Variants in SNX24 observed in about 807,000 individuals in gnomAD.
SNX24 encodes the protein sorting nexin-24.
In SNX24, 22 loss-of-function variants were observed where a neutral mutation model predicts 28.7. The ratio of observed to expected loss-of-function variants is 0.77; its 90% CI spans 0.55 to 1.10. The LOEUF (loss-of-function observed/expected upper bound fraction) is 1.10. Among genes scored for constraint, SNX24 ranks in the 50% least tolerant of loss-of-function variants. The probability of loss-of-function intolerance (pLI) is 0.00; values close to 1 mark genes in which losing one functional copy is unlikely to be tolerated. For missense variants in SNX24, 221 were observed against 201.1 expected (o/e 1.10, Z -0.60); for synonymous variants, 69 against 71.5 (o/e 0.96, Z 0.18).
chr5:122,972,793 A>G (rs985567530), intron 3 of SNX24, among the ~76,000 whole-genome samples: 4 of 152,200 alleles, frequency 2.6e-5, no homozygotes, highest in Non-Finnish European at 5.9e-5. Context: ...GAGGTCCAGT[A>G]TAATCAACCT....
At chr5:122,890,085 T>A (rs1376827611) in intron 1 of SNX24, among the ~76,000 whole-genome samples, 1 of 152,130 alleles carries the variant, frequency 6.6e-6, no homozygotes, top group East Asian at 1.9e-4. Flanking sequence ...AGACTGTCCT[T>A]CAATTTGGCT....
At chr5:122,997,380 T>G (rs993172227) in intron 3 of SNX24, among the ~76,000 whole-genome samples, 2 of 152,308 alleles carry the variant, frequency 1.3e-5, no homozygotes, top group Middle Eastern at 3.4e-3. Context: ...TTTCTGGAGT[T>G]TTCTGTAGTG....
At chr5:122,870,714 A>G (rs1755932373) in intron 1 of SNX24, among the ~76,000 whole-genome samples, 2 of 152,216 alleles carry the variant, frequency 1.3e-5, no homozygotes, top group African/African-American at 4.8e-5. Flanking sequence ...GTAAGCGGGC[A>G]TGCACGTGTG....
At chr5:122,969,262 G>GTTA (rs1221168009) in intron 3 of SNX24, among the ~76,000 whole-genome samples, 21 of 152,230 alleles carry the variant, frequency 1.4e-4, no homozygotes, top group African/African-American at 5.1e-4. Flanking sequence ...TGGGGTGTAA[G>GTTA]TGGTGGGTTA....
chr5:122,884,447 A>G (rs1172901943), intron 1 of SNX24, among the ~76,000 whole-genome samples: 3 of 151,652 alleles, frequency 2.0e-5, no homozygotes, highest in Admixed American at 1.3e-4. Context: ...GGGTTTCACC[A>G]TGCTGGCCAG....
intron 1 of SNX24, among the ~76,000 whole-genome samples, chr5:122,902,578 G>A (rs925645113): frequency 2.6e-5 from 4 of 152,052 alleles, no homozygotes; most frequent in African/African-American, 9.7e-5. Context: ...TCGATTCTCT[G>A]TACACTTATG....
chr5:122,853,564 A>C (rs1755036971), intron 1 of SNX24: 1 of 260,808 alleles, frequency 3.8e-6, no homozygotes, highest in African/African-American at 2.2e-5. Context: ...TGTTGCTTAG[A>C]AATTTGGGGG....
chr5:122,925,501 T>C (rs540830372), intron 1 of SNX24, among the ~76,000 whole-genome samples: 9 of 152,068 alleles, frequency 5.9e-5, no homozygotes, highest in African/African-American at 2.2e-4. Flanking sequence ...TGGGCTCAAG[T>C]GATCCTCCTG....
Position 123,014,699 on chromosome 5 carries a change from T to G in SNX24, n.383+12695T>G, listed in dbSNP as rs1762651695. Among the ~76,000 whole-genome samples the G allele has an allele frequency of 3.3e-5, 5 of 152,258 alleles. No individual in the cohort carries two copies. In the South Asian group the frequency reaches 6.2e-4, roughly 19 times the overall value. ...TCTTTTTAAAATGTTGATCAGATCA[T>G]ATCACTCTCTTGCTCAAAGTTTTCC... On this transcript the variant is annotated intron_variant and non_coding_transcript_variant, in intron 5 of 5. Coordinates refer to the SNX24 transcript ENST00000502387.
intron 3 of SNX24, among the ~76,000 whole-genome samples, chr5:122,987,619 G>T (rs1761659413): frequency 6.6e-6 from 1 of 152,166 alleles, no homozygotes; most frequent in Non-Finnish European, 1.5e-5. Context: ...GAGGCTGATG[G>T]GTTTGGAGGT....
chr5:122,860,180 G>A (rs1398932573), intron 1 of SNX24, among the ~76,000 whole-genome samples: 1 of 152,184 alleles, frequency 6.6e-6, no homozygotes, highest in Non-Finnish European at 1.5e-5. Context: ...ACGTGTTTCA[G>A]GGTAAAATAT....
chr5:122,873,680 T>C (rs1481517823), intron 1 of SNX24, among the ~76,000 whole-genome samples: 4 of 152,108 alleles, frequency 2.6e-5, no homozygotes, highest in Non-Finnish European at 5.9e-5. Flanking sequence ...GGCACTGTAC[T>C]GAGCCCTGGA....
intron 1 of SNX24, among the ~76,000 whole-genome samples, chr5:122,877,144 A>G (rs541094663): frequency 2.0e-4 from 31 of 152,174 alleles, no homozygotes; most frequent in African/African-American, 6.0e-4. Context: ...GGTAGGGAGA[A>G]TGTATGAGTT....
intron 3 of SNX24, 127 bp from the exon 4 acceptor site, chr5:122,999,785 T>C: frequency 1.4e-6 from 1 of 707,266 alleles, no homozygotes; most frequent in Non-Finnish European, 2.6e-6. Context: ...CCACTCCTCA[T>C]CTTGACTGTG....
chr5:122,882,845 A>G (rs913285737), intron 1 of SNX24, among the ~76,000 whole-genome samples: 7 of 152,304 alleles, frequency 4.6e-5, no homozygotes, highest in African/African-American at 1.7e-4. Context: ...TTAGTTAATT[A>G]GGTCACCCAA....
downstream of SNX24, among the ~76,000 whole-genome samples, chr5:123,012,102 A>T (rs2150184566): frequency 6.6e-6 from 1 of 152,186 alleles, no homozygotes; most frequent in Non-Finnish European, 1.5e-5. Flanking sequence ...CCATCATGTG[A>T]AGAAGGATGT....
In SNX24 at chr5:123,008,281, T is replaced by G; in HGVS notation, c.*532T>G. On this transcript the variant is annotated 3_prime_UTR_variant, in exon 7 of 7. Coordinates refer to ENST00000261369, the MANE Select transcript of SNX24 (RefSeq NM_014035.4). ...GTGAAGATGGAACTAAACTGGAAAT[T>G]AAATTATACTGACAATATTATGGCA... 2 of 984,396 alleles carry G rather than the reference T, an allele frequency of 2.0e-6. No individual in the cohort carries two copies. Among genetic ancestry groups the G allele is most frequent in the Non-Finnish European group, 2.4e-6 (2 of 828,960 alleles). The allele number at this position is 984,396 out of a possible 1,614,324, so 61.0% of individuals were successfully genotyped here.
At chr5:122,959,336 C>T (rs1207312659) in intron 3 of SNX24, among the ~76,000 whole-genome samples, 1 of 147,732 alleles carries the variant, frequency 6.8e-6, no homozygotes, top group Non-Finnish European at 1.5e-5. Context: ...TCTTTATTTC[C>T]TTCCTTTTGC....
At position 123,008,899 on chromosome 5, in the gene SNX24, T is replaced by C. The variant is rs1762502756; in HGVS notation, c.*1150T>C. Reference sequence around the variant, plus strand: ...GTATGTGCTGTATGTGGGCATTTCATTGAGATCTAATTAATAGCTAGCCTA... The same window carrying C: ...GTATGTGCTGTATGTGGGCATTTCACTGAGATCTAATTAATAGCTAGCCTA... On this transcript the variant is annotated 3_prime_UTR_variant, in exon 7 of 7. Transcript: ENST00000261369. 2 of 984,602 alleles carry C rather than the reference T, an allele frequency of 2.0e-6. No individual in the cohort carries two copies. The highest frequency in any genetic ancestry group is 1.2e-6 in the Non-Finnish European group (1 of 828,886). The allele number at this position is 984,602 out of a possible 1,614,324, so 61.0% of individuals were successfully genotyped here.
Sources: allele counts gnomAD v4.1 joint callset (sites outside exome capture counted in the v4.1 genomes callset), GRCh38; gene constraint gnomAD v4.1.1; transcripts MANE v1.5; gene names NCBI Gene and HGNC (gene_info 2026-07-23, HGNC 2026-07-21).